Variants in MAP3K7CL observed in about 807,000 individuals in gnomAD.
MAP3K7CL encodes MAP3K7 C-terminal like, also known as MAP3K7 C-terminal-like protein.
MAP3K7CL carries 16 observed loss-of-function variants against 18.6 expected under a neutral mutation model. The observed-to-expected ratio is 0.86, with a 90% CI of 0.58 to 1.31. The LOEUF (loss-of-function observed/expected upper bound fraction) is 1.31. MAP3K7CL is among the 50% of genes most tolerant of loss of function. The probability of loss-of-function intolerance (pLI) is 0.00; values close to 1 mark genes in which losing one functional copy is unlikely to be tolerated. For synonymous variants in MAP3K7CL, 65 were observed against 66.8 expected (o/e 0.97, Z 0.13); for missense variants, 163 against 174.4 (o/e 0.93, Z 0.37).
chr21:29,168,379 A>G (rs2087743810), intron 4 of MAP3K7CL, among the ~76,000 whole-genome samples: 1 of 152,238 alleles, frequency 6.6e-6, no homozygotes, highest in South Asian at 2.1e-4. Flanking sequence ...CCTGGCTTGT[A>G]ACAGACTTTC....
chr21:29,113,383 A>T (rs1190225751), intron 4 of MAP3K7CL, among the ~76,000 whole-genome samples: 1 of 152,194 alleles, frequency 6.6e-6, no homozygotes, highest in Non-Finnish European at 1.5e-5. Flanking sequence ...GACTGACTTC[A>T]GACTTGAATT....
At chr21:29,120,855 C>T (rs1009011086) in intron 4 of MAP3K7CL, among the ~76,000 whole-genome samples, 2 of 151,636 alleles carry the variant, frequency 1.3e-5, no homozygotes, top group African/African-American at 2.4e-5. Context: ...TGCTTTAGCC[C>T]AGGAGTTCGA....
chr21:29,114,396 T>A (rs1337113544), intron 4 of MAP3K7CL, among the ~76,000 whole-genome samples: 1 of 151,606 alleles, frequency 6.6e-6, no homozygotes, highest in Non-Finnish European at 1.5e-5. Flanking sequence ...TTATTTATTT[T>A]TTATTTATTT....
intron 4 of MAP3K7CL, among the ~76,000 whole-genome samples, chr21:29,121,829 G>A (rs1013965522): frequency 6.6e-6 from 1 of 151,464 alleles, no homozygotes; most frequent in African/African-American, 2.4e-5. Flanking sequence ...AGCTGTGGTT[G>A]GGGAAAAAAG....
chr21:29,160,195 G>A (rs2087513150), intron 4 of MAP3K7CL, 139 bp downstream of exon 4: 3 of 579,648 alleles, frequency 5.2e-6, no homozygotes, highest in African/African-American at 1.9e-5. Flanking sequence ...TGGTGCTATT[G>A]GAGATTAAGT....
Position 29,174,998 on chromosome 21 carries a change from T to G in MAP3K7CL, c.*106T>G. 8.9e-7 allele frequency: 1 copy of G among 1,124,686 alleles called. No homozygotes were observed. Among genetic ancestry groups the G allele is most frequent in the Non-Finnish European group, 1.2e-6 (1 of 801,642 alleles). The allele number at this position is 1,124,686 out of a possible 1,614,324, so 69.7% of individuals were successfully genotyped here. ...GAGTCAGATCTATTGCTTCTCTGTA[T>G]TACCCACATGACAACTGTCTATAAT... On this transcript the variant is annotated 3_prime_UTR_variant, in exon 5 of 5. Coordinates refer to ENST00000399928, the MANE Select transcript of MAP3K7CL (RefSeq NM_001286620.2).
At chr21:29,145,958 C>G (rs1346167933) in intron 2 of MAP3K7CL, among the ~76,000 whole-genome samples, 1 of 151,954 alleles carries the variant, frequency 6.6e-6, no homozygotes, top group East Asian at 1.9e-4. Flanking sequence ...GGTGACATGG[C>G]GTGACTATAA....
At chr21:29,097,734 A>G (rs2086148362) in intron 4 of MAP3K7CL, among the ~76,000 whole-genome samples, 1 of 152,200 alleles carries the variant, frequency 6.6e-6, no homozygotes, top group African/African-American at 2.4e-5. Context: ...AATTTATATG[A>G]TGTTTTTAAT....
intron 4 of MAP3K7CL, among the ~76,000 whole-genome samples, chr21:29,104,871 C>T (rs145251983): frequency 6.6e-6 from 1 of 152,322 alleles, no homozygotes; most frequent in African/African-American, 2.4e-5. Context: ...ATGCCTTGGC[C>T]TAAGACTCTG....
intron 4 of MAP3K7CL, among the ~76,000 whole-genome samples, chr21:29,108,651 C>G (rs1255484606): frequency 6.6e-6 from 1 of 152,134 alleles, no homozygotes; most frequent in East Asian, 1.9e-4. Flanking sequence ...AAACCACTCC[C>G]CTCTCTGAGT....
intron 1 of MAP3K7CL, chr21:29,091,414 G>C (rs1226960488): frequency 1.6e-6 from 1 of 609,884 alleles, no homozygotes. Flanking sequence ...ACAAAATGAG[G>C]TATAGCTCTT....
In MAP3K7CL at chr21:29,155,826, C is replaced by A. The variant is rs78926228; in HGVS notation, c.133-4115C>A. Among the ~76,000 whole-genome samples the A allele has an allele frequency of 9.4e-3, 1,427 of 152,246 alleles. 29 individuals carry two copies. Among genetic ancestry groups the A allele is most frequent in the African/African-American group, 0.033 (1,361 of 41,530 alleles). On this transcript the variant is annotated intron_variant, in intron 3 of 4. Coordinates refer to ENST00000399928, the MANE Select transcript of MAP3K7CL (RefSeq NM_001286620.2). ...GCTGTGACCTCACCCAAGCCCCAGT[C>A]TGTGTCTTGGAAACATGTGTTTCAA...
intron 4 of MAP3K7CL, among the ~76,000 whole-genome samples, chr21:29,111,730 TCTGA>T (rs972908952): frequency 6.6e-6 from 1 of 152,062 alleles, no homozygotes; most frequent in Non-Finnish European, 1.5e-5. Flanking sequence ...GATTGAAGAG[TCTGA>T]CTGTGTCTTA....
At chr21:29,112,818 ATT>A in intron 4 of MAP3K7CL, among the ~76,000 whole-genome samples, 1 of 146,922 alleles carries the variant, frequency 6.8e-6, no homozygotes, top group African/African-American at 2.5e-5. Flanking sequence ...ACCTTTGGAA[ATT>A]TTTTTTTTTT....
At chr21:29,098,470 G>A (rs539525426) in intron 4 of MAP3K7CL, among the ~76,000 whole-genome samples, 27 of 152,054 alleles carry the variant, frequency 1.8e-4, no homozygotes, top group African/African-American at 6.3e-4. Flanking sequence ...TAAAAAACAC[G>A]TACTGGTTTT....
At chr21:29,146,435 T>A (rs533920056) in intron 2 of MAP3K7CL, among the ~76,000 whole-genome samples, 1 of 152,326 alleles carries the variant, frequency 6.6e-6, no homozygotes, top group South Asian at 2.1e-4. Flanking sequence ...CCTCTAAAGG[T>A]TCAGTGGTGA....
At chr21:29,092,127 C>T (rs1373448102) in intron 3 of MAP3K7CL, 1 of 386,446 alleles carries the variant, frequency 2.6e-6, no homozygotes, top group Non-Finnish European at 4.7e-6. Flanking sequence ...GGGTAGAATT[C>T]TAGAAGTGGT....
At chr21:29,078,938 G>C (rs1352200214) in intron 1 of MAP3K7CL, among the ~76,000 whole-genome samples, 1 of 152,166 alleles carries the variant, frequency 6.6e-6, no homozygotes, top group Non-Finnish European at 1.5e-5. Context: ...GAATCAGACC[G>C]TTTATTCATT....
intron 4 of MAP3K7CL, among the ~76,000 whole-genome samples, chr21:29,167,673 G>A (rs1418343008): frequency 6.7e-6 from 1 of 148,722 alleles, no homozygotes; most frequent in Non-Finnish European, 1.5e-5. Context: ...ACTGTACCAA[G>A]ATCAACCAGA....
Sources: allele counts gnomAD v4.1 joint callset (sites outside exome capture counted in the v4.1 genomes callset), GRCh38; gene constraint gnomAD v4.1.1; transcripts MANE v1.5; gene names NCBI Gene and HGNC (gene_info 2026-07-23, HGNC 2026-07-21).